The following ANTXRL variants were observed in gnomAD, a reference collection of about 807,000 sequenced individuals.
ANTXRL encodes ANTXR like.
In ANTXRL, 63 loss-of-function variants were observed where a neutral mutation model predicts 75.4. The ratio of observed to expected loss-of-function variants is 0.84; its 90% CI spans 0.68 to 1.03. ANTXRL has a LOEUF of 1.03. ANTXRL is among the 50% of genes least tolerant of loss of function. The probability of loss-of-function intolerance (pLI) is 0.00; values close to 1 mark genes in which losing one functional copy is unlikely to be tolerated. For synonymous variants in ANTXRL, 335 were observed against 291.3 expected (o/e 1.15, Z -1.53); for missense variants, 797 against 789.4 (o/e 1.01, Z -0.12).
At chr10:46,299,607 C>A (rs1554959964) in intron 9 of ANTXRL, among the ~76,000 whole-genome samples, 1 of 152,158 alleles carries the variant, frequency 6.6e-6, no homozygotes, top group African/African-American at 2.4e-5. Context: ...GCTCTGGCCT[C>A]CCTGTTCCTC....
Position 46,287,452 on chromosome 10 carries a change from C to G in ANTXRL, c.190C>G (p.Gln64Glu). 2 of 1,535,852 alleles carry G rather than the reference C, an allele frequency of 1.3e-6. No homozygotes were observed. The highest frequency in any genetic ancestry group is 1.7e-6 in the Non-Finnish European group (2 of 1,146,730). Residue 64 changes from glutamine (Q) to glutamate (E), a missense_variant, in exon 1 of 17, where the codon CAG becomes GAG. Coordinates refer to ENST00000620264, the MANE Select transcript of ANTXRL (RefSeq NM_001278688.3). ...HGPGWRQHWR[Q>E]GQAGHRCQGS... ...CCCAGGATGGAGGCAGCACTGGCGC[C>G]AGGGGCAAGCAGGTCACAGATGCCA...
chr10:46,299,249 C>T (rs1419898390), intron 9 of ANTXRL, among the ~76,000 whole-genome samples: 4 of 152,080 alleles, frequency 2.6e-5, no homozygotes, highest in Admixed American at 2.6e-4. Context: ...CCCACAGCAC[C>T]CTATGAGCAG....
chr10:46,302,613 G>A, intron 9 of ANTXRL, 109 bp from the exon 10 acceptor site: 2 of 729,890 alleles, frequency 2.7e-6, no homozygotes, highest in East Asian at 2.7e-5. Flanking sequence ...TTCCTTACAG[G>A]AGCCTCTGTG....
At position 46,293,878 on chromosome 10, in the gene ANTXRL, G is replaced by A. The variant is rs1554957657; in HGVS notation, c.370G>A (p.Val124Ile). ...FITYSTDGQT[V>I]LPLTSDKNRI... The stretch of plus-strand genomic sequence containing the variant: ...CACCTACTCCACAGACGGCCAGACT[G>A]TCTTGCCACTCACCTCAGACAAGTG... Residue 124 changes from valine to isoleucine, a missense_variant, in exon 3 of 17, where the codon GTC becomes ATC. Physicochemically the swap from Val to Ile is conservative, Grantham distance 29. Transcript: ENST00000620264. 2 of 1,535,758 alleles carry A rather than the reference G, an allele frequency of 1.3e-6. No homozygotes were observed. The highest frequency in any genetic ancestry group is 1.2e-5 in the South Asian group (1 of 84,054).
intron 16 of ANTXRL, among the ~76,000 whole-genome samples, chr10:46,320,727 G>A (rs1253415330): frequency 1.3e-5 from 2 of 151,892 alleles, no homozygotes; most frequent in Admixed American, 1.3e-4. Context: ...GGGAGTCTTT[G>A]TCTCAAAAAA....
chr10:46,315,049 T>C (rs1438404885), intron 16 of ANTXRL, among the ~76,000 whole-genome samples: 16 of 152,072 alleles, frequency 1.1e-4, no homozygotes, highest in African/African-American at 3.9e-4. Context: ...CTGGCAGGAG[T>C]TCCCCGTTCT....
intron 16 of ANTXRL, among the ~76,000 whole-genome samples, chr10:46,315,110 A>G (rs1554964420): frequency 2.0e-5 from 3 of 152,150 alleles, no homozygotes; most frequent in African/African-American, 4.8e-5. Flanking sequence ...TGAATCATGC[A>G]CTAAAGAGGA....
At position 46,306,981 on chromosome 10, in the gene ANTXRL, A is replaced by G. The variant is rs1481608439; in HGVS notation, c.965+109A>G. 1.0e-5 allele frequency: 10 copies of G among 957,118 alleles called. 1 individual carries two copies. The highest frequency in any genetic ancestry group is 1.7e-5 in the South Asian group (1 of 57,454). 59.3% of individuals were successfully genotyped at this position (957,118 alleles called of 1,614,324 possible). ...CCCCCACCCCCTGCTGGGACAGCAC[A>G]TATCTGTGGCTGCGCAAAGAGCACC... On this transcript the variant is annotated intron_variant, in intron 11 of 16. Coordinates refer to ENST00000620264, the MANE Select transcript of ANTXRL (RefSeq NM_001278688.3).
chr10:46,306,991 C>T (rs1838134865), intron 11 of ANTXRL, 119 bp downstream of exon 11: 1 of 869,992 alleles, frequency 1.1e-6, no homozygotes, highest in Non-Finnish European at 1.7e-6. Flanking sequence ...ATATCTGTGG[C>T]TGCGCAAAGA....
rs1554955549 is a variant in ANTXRL at position 46,287,465 on chromosome 10, G to A, written c.203G>A (p.Gly68Asp). 1 of 1,535,876 alleles carries A rather than the reference G, an allele frequency of 6.5e-7. No homozygotes were observed. The change falls in exon 1 of 17, where the codon GGT becomes GAT. Residue 68 changes from glycine (G) to aspartate (D), a missense_variant. Gly to Asp is a moderately conservative substitution (Grantham distance 94). Around this residue, in one of 3 missense-constraint regions of ANTXRL, gnomAD observed 262 missense variants for 271.9 expected, o/e 0.96. Coordinates refer to ENST00000620264, the MANE Select transcript of ANTXRL (RefSeq NM_001278688.3). ...CAGCACTGGCGCCAGGGGCAAGCAG[G>A]TCACAGATGCCAGGGCTCATTTGAC... ...WRQHWRQGQA[G>D]HRCQGSFDLY...
chr10:46,297,511 C>G (rs4256914), intron 7 of ANTXRL, 37 bp downstream of exon 7: 694,336 of 1,522,530 alleles, frequency 0.46, 152,005 homozygotes, highest in Non-Finnish European at 0.48. Flanking sequence ...CACTTTCAAG[C>G]CTAGTGGTCA....
intron 12 of ANTXRL, among the ~76,000 whole-genome samples, 198 bp downstream of exon 12, chr10:46,307,678 T>C (rs782595438): frequency 6.6e-6 from 1 of 151,908 alleles, no homozygotes; most frequent in Non-Finnish European, 1.5e-5. Context: ...GGAGCCAGAG[T>C]CCAGCACCTC....
At chr10:46,304,652 T>C (rs1450629479) in intron 10 of ANTXRL, among the ~76,000 whole-genome samples, 2 of 152,204 alleles carry the variant, frequency 1.3e-5, no homozygotes, top group African/African-American at 4.8e-5. Flanking sequence ...ATGGATTTTA[T>C]TTTATTTTTT....
At chr10:46,323,284 T>C (rs1554965918) in intron 16 of ANTXRL, among the ~76,000 whole-genome samples, 1 of 152,086 alleles carries the variant, frequency 6.6e-6, no homozygotes, top group African/African-American at 2.4e-5. Flanking sequence ...ATAGGACCTA[T>C]GAACAAAAAA....
intron 1 of ANTXRL, among the ~76,000 whole-genome samples, chr10:46,289,172 T>C (rs1836881242): frequency 6.6e-6 from 1 of 152,132 alleles, no homozygotes; most frequent in Admixed American, 6.5e-5. Context: ...ATGAGACTCA[T>C]TATTCACTTG....
chr10:46,316,616 G>A (rs1554964713), intron 16 of ANTXRL, among the ~76,000 whole-genome samples: 1 of 152,138 alleles, frequency 6.6e-6, no homozygotes, highest in African/African-American at 2.4e-5. Context: ...GAACTGACCT[G>A]AGGGGAGGCT....
chr10:46,297,337 A>T lies in ANTXRL; in HGVS notation c.585+9A>T. 1 of 1,536,348 alleles carries T rather than the reference A, an allele frequency of 6.5e-7. No individual in the cohort carries two copies. Among genetic ancestry groups the T allele is most frequent in the Non-Finnish European group, 8.7e-7 (1 of 1,146,752 alleles). On this transcript the variant is annotated intron_variant, in intron 6 of 16. Transcript: ENST00000620264. ...AGGACACTCTCAGAGAAGTGAGTCC[A>T]GTTCATACTTACCAGCATTTTGCTC...
chr10:46,313,374 C>T, intron 16 of ANTXRL, 58 bp downstream of exon 16: 9 of 1,475,260 alleles, frequency 6.1e-6, no homozygotes, highest in Non-Finnish European at 6.4e-6. Context: ...TTTCCCCTGA[C>T]CACTGTCCTC....
rs1554955510 is a variant in ANTXRL at position 46,287,398 on chromosome 10, G to A, written c.136G>A (p.Gly46Ser). 17 of 1,535,962 alleles carry A rather than the reference G, an allele frequency of 1.1e-5. No individual in the cohort carries two copies. The highest frequency in any genetic ancestry group is 1.3e-5 in the Non-Finnish European group (15 of 1,146,770). Reference sequence around the variant, plus strand: ...GAGAATATTTCACCGCCTGGCCCTGGGCTCCAGGAGAGCCCACCACCACCA... The same window carrying A: ...GAGAATATTTCACCGCCTGGCCCTGAGCTCCAGGAGAGCCCACCACCACCA... ...DWRIFHRLAL[G>S]SRRAHHHHGP... The change falls in exon 1 of 17, where the codon GGC becomes AGC. Residue 46 changes from glycine (G) to serine (S), a missense_variant. By Grantham distance (56) the Gly-to-Ser change is moderately conservative (BLOSUM62 0). Around this residue, in one of 3 missense-constraint regions of ANTXRL, gnomAD observed 262 missense variants for 271.9 expected, o/e 0.96. Transcript: ENST00000620264.
Sources: gnomAD v4.1 joint callset for allele counts (sites outside exome capture counted in the v4.1 genomes callset) on GRCh38, gnomAD v4.1.1 for gene constraint, gnomAD v4.1.1 regional missense constraint, MANE v1.5 for transcripts, NCBI Gene and HGNC (gene_info 2026-07-23, HGNC 2026-07-21) for gene names.